MORN3: variants seen among roughly 807,000 people sequenced by gnomAD.
MORN3 encodes the protein MORN repeat containing 3.
Under a neutral mutation model 34.7 loss-of-function variants are expected in MORN3, and 38 were observed. The ratio of observed to expected loss-of-function variants is 1.10; its 90% CI spans 0.85 to 1.44. The LOEUF is 1.44. Ranked by LOEUF, MORN3 falls within the 40% of genes most tolerant of loss-of-function variation. The probability of loss-of-function intolerance (pLI) is 0.00; values close to 1 mark genes in which losing one functional copy is unlikely to be tolerated. For synonymous variants in MORN3, 109 were observed against 115.3 expected (o/e 0.95, Z 0.35); for missense variants, 311 against 321.7 (o/e 0.97, Z 0.25).
intron 3 of MORN3, among the ~76,000 whole-genome samples, 180 bp downstream of exon 3, chr12:121,654,094 C>T (rs1893330074): frequency 6.6e-6 from 1 of 152,018 alleles, no homozygotes. Flanking sequence ...ATATATGTGA[C>T]CTTTTGTGAC....
chr12:121,659,149 A>G (rs757797302), intron 2 of MORN3, 42 bp downstream of exon 2: 8 of 1,587,724 alleles, frequency 5.0e-6, no homozygotes, highest in East Asian at 2.3e-5. Flanking sequence ...ACACACACAC[A>G]CACACACACA....
In MORN3 at chr12:121,650,946, G is replaced by A. The variant is rs1384576662; in HGVS notation, c.*705C>T. The stretch of plus-strand genomic sequence containing the variant: ...ACCTGGGCTTCCACAGCTTTGCAAA[G>A]TTTCCATGGGATTTCAAGGTTGAGA... On this transcript the variant is annotated 3_prime_UTR_variant, in exon 6 of 6. Coordinates refer to ENST00000355329, the MANE Select transcript of MORN3 (RefSeq NM_173855.5). The A allele has an allele frequency of 1.3e-5, 2 of 152,162 alleles. No individual in the cohort carries two copies. The highest frequency in any genetic ancestry group is 4.8e-5 in the African/African-American group (2 of 41,432). 9.4% of individuals were successfully genotyped at this position (152,162 alleles called of 1,614,324 possible). A position where few individuals can be genotyped will look rare whatever the true frequency, so the allele number is the denominator to read the frequency against.
At position 121,669,542 on chromosome 12, in the gene MORN3, C is replaced by G. The variant is rs1893884496; in HGVS notation, c.-59G>C. ...AAAGGGGTTAGGGACATCTGGGGCT[C>G]AGCGCGCCCCGTGTAATGCCGGGAT... On this transcript the variant is annotated 5_prime_UTR_variant, in exon 1 of 6. Transcript: ENST00000355329. 6.2e-7 allele frequency: 1 copy of G among 1,601,180 alleles called. No individual in the cohort carries two copies. The highest frequency in any genetic ancestry group is 1.3e-5 in the African/African-American group (1 of 74,570).
intron 1 of MORN3, among the ~76,000 whole-genome samples, chr12:121,665,593 C>T (rs1479322900): frequency 6.6e-6 from 1 of 151,160 alleles, no homozygotes; most frequent in African/African-American, 2.4e-5. Context: ...GGTGAAACCT[C>T]GTCTCTACTG....
chr12:121,648,922 C>T lies in MORN3; in HGVS notation c.*2729G>A, dbSNP rs1464977535. ...GCGACATTTTGTACATAAACAAGCA[C>T]ACCCTCTTCCAACATTTTTTTTTTT... On this transcript the variant is annotated 3_prime_UTR_variant, in exon 6 of 6. Coordinates refer to ENST00000355329, the MANE Select transcript of MORN3 (RefSeq NM_173855.5). The T allele has an allele frequency of 1.3e-5, 2 of 149,642 alleles. No individual in the cohort carries two copies. Among genetic ancestry groups the T allele is most frequent in the Non-Finnish European group, 2.9e-5 (2 of 67,806 alleles). 9.3% of individuals were successfully genotyped at this position (149,642 alleles called of 1,614,324 possible).
In MORN3 at chr12:121,668,668, G is replaced by A. The variant is rs1170015173; in HGVS notation, c.145+671C>T. Among the ~76,000 whole-genome samples the A allele has an allele frequency of 5.3e-5, 8 of 152,190 alleles. No individual in the cohort carries two copies. In the East Asian group the frequency reaches 1.5e-3, roughly 29 times the overall value. ...TCTCGAGGCTGCAGTGAGCTATGAAGGCACCACTGCACTCCAGCCTGTTTT... is the reference window on the plus strand; with the variant it reads ...TCTCGAGGCTGCAGTGAGCTATGAAAGCACCACTGCACTCCAGCCTGTTTT... On this transcript the variant is annotated intron_variant, in intron 1 of 5. Coordinates refer to ENST00000355329, the MANE Select transcript of MORN3 (RefSeq NM_173855.5).
Position 121,669,379 on chromosome 12 carries a change from G to T in MORN3, c.105C>A (p.Gly35=). The change falls in exon 1 of 6, where the codon GGC becomes GGA. Residue 35 remains glycine (G), a synonymous_variant. Coordinates refer to ENST00000355329, the MANE Select transcript of MORN3 (RefSeq NM_173855.5). ...GLRSQVYAVN[G]DYYVGEWKDN... is the part of the protein sequence containing the mutation. ...CCTTCCACTCGCCCACATAGTAGTC[G>T]CCATTCACAGCGTATACCTGGCTCC... The T allele has an allele frequency of 1.2e-6, 2 of 1,613,902 alleles. No individual in the cohort carries two copies. The highest frequency in any genetic ancestry group is 1.7e-6 in the Non-Finnish European group (2 of 1,179,888).
intron 1 of MORN3, among the ~76,000 whole-genome samples, chr12:121,659,809 C>A (rs998585614): frequency 1.3e-5 from 2 of 151,546 alleles, no homozygotes; most frequent in African/African-American, 4.8e-5. Context: ...GGATTACAGG[C>A]GTGAGCCACT....
intron 3 of MORN3, 66 bp from the exon 4 acceptor site, chr12:121,653,325 C>G (rs1174579911): frequency 1.1e-5 from 17 of 1,524,442 alleles, no homozygotes; most frequent in Non-Finnish European, 4.4e-6. Context: ...CCAGGGGTCG[C>G]TCTTCCAGAG....
At position 121,652,677 on chromosome 12, in the gene MORN3, C is replaced by T; in HGVS notation, c.*6+51G>A. On this transcript the variant is annotated intron_variant, in intron 5 of 5. Coordinates refer to ENST00000355329, the MANE Select transcript of MORN3 (RefSeq NM_173855.5). ...GGAGATCTGTGCATTGTTCTGGGCC[C>T]TGGAGCAGCCTCAGCCACATCAGAA... 5 of 1,564,722 alleles carry T rather than the reference C, an allele frequency of 3.2e-6. No homozygotes were observed. In the South Asian group the frequency reaches 5.6e-5, roughly 17 times the overall value.
chr12:121,658,950 G>A lies in MORN3; in HGVS notation c.303+241C>T, dbSNP rs191129375. On this transcript the variant is annotated intron_variant, in intron 2 of 5. Coordinates refer to ENST00000355329, the MANE Select transcript of MORN3 (RefSeq NM_173855.5). ...CAAGCCTGGCTGGCTCCTCGCAACC[G>A]CAGGGTTTCGTGGGCTCCTCCCTGG... Among the ~76,000 whole-genome samples, 14 of 152,240 alleles carry A rather than the reference G, an allele frequency of 9.2e-5. No individual in the cohort carries two copies. In the East Asian group the frequency reaches 1.5e-3, roughly 17 times the overall value.
intron 1 of MORN3, among the ~76,000 whole-genome samples, chr12:121,663,799 C>T (rs1244006246): frequency 6.6e-6 from 1 of 150,914 alleles, no homozygotes; most frequent in Non-Finnish European, 1.5e-5. Flanking sequence ...TCATGGGAGC[C>T]TTTGTTATTA....
intron 3 of MORN3, among the ~76,000 whole-genome samples, 182 bp downstream of exon 3, chr12:121,654,092 G>T (rs1481169669): frequency 1.3e-5 from 2 of 152,006 alleles, no homozygotes; most frequent in African/African-American, 4.8e-5. Flanking sequence ...ATATATATGT[G>T]ACCTTTTGTG....
chr12:121,669,046 A>G (rs1441051258), intron 1 of MORN3, among the ~76,000 whole-genome samples: 1 of 152,178 alleles, frequency 6.6e-6, no homozygotes, highest in African/African-American at 2.4e-5. Context: ...CCCAGGTCTC[A>G]GAAGGCAGGA....
In MORN3 at chr12:121,649,273, C is replaced by A. The variant is rs542367758; in HGVS notation, c.*2378G>T. On this transcript the variant is annotated 3_prime_UTR_variant, in exon 6 of 6. Transcript: ENST00000355329. ...CCACTTTTTCTTTAAAAATGGTAAC[C>A]CTTTACACTCTTCTGCACATTAAGA... 1 of 150,990 alleles carries A rather than the reference C, an allele frequency of 6.6e-6. No homozygotes were observed. The highest frequency in any genetic ancestry group is 6.6e-5 in the Admixed American group (1 of 15,204). The allele number at this position is 150,990 out of a possible 1,614,324, so 9.4% of individuals were successfully genotyped here. A position where few individuals can be genotyped will look rare whatever the true frequency, so the allele number is the denominator to read the frequency against.
In MORN3 at chr12:121,652,713, G is replaced by A; in HGVS notation, c.*6+15C>T. Reference sequence around the variant, plus strand: ...TCAGCCACATCAGAACTTGGCAGGTGTGCCCACCCCTCACCTGGCATCAAT... The same window carrying A: ...TCAGCCACATCAGAACTTGGCAGGTATGCCCACCCCTCACCTGGCATCAAT... On this transcript the variant is annotated intron_variant, in intron 5 of 5. Transcript: ENST00000355329. 6.2e-7 allele frequency: 1 copy of A among 1,613,216 alleles called. No homozygotes were observed. Among genetic ancestry groups the A allele is most frequent in the Non-Finnish European group, 8.5e-7 (1 of 1,179,180 alleles).
rs561137676 is a variant in MORN3 at position 121,666,364 on chromosome 12, C to T, written c.145+2975G>A. On this transcript the variant is annotated intron_variant, in intron 1 of 5. Transcript: ENST00000355329. ...CCAGAAAATACAAAAATTGGCTGGG[C>T]GTGGTGGTGTGTGCCTTTAGTCCCA... Among the ~76,000 whole-genome samples, 14 of 152,010 alleles carry T rather than the reference C, an allele frequency of 9.2e-5. No individual in the cohort carries two copies. The South Asian group carries it at 1.7e-3, about 18-fold the overall frequency.
intron 1 of MORN3, among the ~76,000 whole-genome samples, chr12:121,660,355 C>T (rs112540523): frequency 3.4e-4 from 44 of 128,748 alleles, no homozygotes; most frequent in East Asian, 9.0e-4. Flanking sequence ...TTCTTTCTTT[C>T]TTTTTTTTTT....
At chr12:121,659,625 C>G (rs962985233) in intron 1 of MORN3, among the ~76,000 whole-genome samples, 1 of 151,580 alleles carries the variant, frequency 6.6e-6, no homozygotes, top group Non-Finnish European at 1.5e-5. Context: ...ACCTCTGCCT[C>G]CCGGGTTCAG....
Sources: gnomAD v4.1 joint callset for allele counts (sites outside exome capture counted in the v4.1 genomes callset) on GRCh38, gnomAD v4.1.1 for gene constraint, MANE v1.5 for transcripts, NCBI Gene and HGNC (gene_info 2026-07-23, HGNC 2026-07-21) for gene names.